The following PACRG variants were observed in gnomAD, a reference collection of about 807,000 sequenced individuals.
PACRG encodes parkin coregulated gene protein.
PACRG carries 29 observed loss-of-function variants against 29.7 expected under a neutral mutation model. That is an observed-to-expected ratio of 0.98 (90% CI 0.73 to 1.33). PACRG has a LOEUF of 1.33. Ranked by LOEUF, PACRG falls within the 40% of genes most tolerant of loss-of-function variation. PACRG has a pLI of 0.00. For missense variants in PACRG, 279 were observed against 316.2 expected (o/e 0.88, Z 0.89); for synonymous variants, 116 against 118.7 (o/e 0.98, Z 0.15).
At chr6:162,927,810 C>CAAAA (rs1304688542) in intron 2 of PACRG, among the ~76,000 whole-genome samples, 1 of 110,428 alleles carries the variant, frequency 9.1e-6, no homozygotes, top group African/African-American at 5.7e-5. Context: ...AAAAGCAAAG[C>CAAAA]AAACAAACAA....
intron 4 of PACRG, among the ~76,000 whole-genome samples, chr6:163,297,251 T>A (rs1562365181): frequency 6.6e-6 from 1 of 152,206 alleles, no homozygotes; most frequent in Non-Finnish European, 1.5e-5. Context: ...CCCTGGTGCT[T>A]ACTGGTGCTT....
At chr6:163,236,899 T>C (rs1782261293) in intron 4 of PACRG, among the ~76,000 whole-genome samples, 1 of 152,142 alleles carries the variant, frequency 6.6e-6, no homozygotes, top group Non-Finnish European at 1.5e-5. Flanking sequence ...TCATCTTACA[T>C]GGCTTGAGCA....
rs1320507812 is a variant in PACRG at position 162,814,287 on chromosome 6, T to A, written c.291+6T>A. On this transcript the variant is annotated splice_donor_region_variant and intron_variant, in intron 2 of 4. Coordinates refer to ENST00000366888, the MANE Select transcript of PACRG (RefSeq NM_001080379.2). ...GAAACAAAATCGCCTGGAAGGTAAG[T>A]CAGGGCACAGCTGTGCCGGCCAGCT... is the stretch of plus-strand genomic sequence containing the variant. 6.2e-7 allele frequency: 1 copy of A among 1,613,558 alleles called. No homozygotes were observed. Among genetic ancestry groups the A allele is most frequent in the Admixed American group, 1.7e-5 (1 of 59,994 alleles).
chr6:163,177,859 G>T (rs1334840249), intron 4 of PACRG, among the ~76,000 whole-genome samples: 1 of 151,550 alleles, frequency 6.6e-6, no homozygotes, highest in African/African-American at 2.4e-5. Context: ...CAGCACACAC[G>T]CTTCCCTCCA....
chr6:163,154,282 G>A (rs1778224625), intron 4 of PACRG, among the ~76,000 whole-genome samples: 1 of 152,232 alleles, frequency 6.6e-6, no homozygotes, highest in African/African-American at 2.4e-5. Flanking sequence ...TGGGCACTGT[G>A]TGATCCTTCA....
chr6:162,937,392 G>A (rs1798308790), intron 2 of PACRG, among the ~76,000 whole-genome samples: 1 of 152,098 alleles, frequency 6.6e-6, no homozygotes, highest in South Asian at 2.1e-4. Context: ...AGAAGGGAGT[G>A]CTAAGAACAA....
intron 4 of PACRG, among the ~76,000 whole-genome samples, chr6:163,148,133 G>A (rs1353569441): frequency 1.3e-5 from 2 of 152,182 alleles, no homozygotes; most frequent in African/African-American, 4.8e-5. Context: ...CTTATAGTGT[G>A]TGTGTTGAGG....
At chr6:163,128,819 A>G (rs989948206) in intron 4 of PACRG, among the ~76,000 whole-genome samples, 1 of 152,176 alleles carries the variant, frequency 6.6e-6, no homozygotes, top group East Asian at 1.9e-4. Context: ...TCAGTAAGCT[A>G]TTTTTGCTCC....
chr6:163,261,957 T>A (rs1384459051), intron 4 of PACRG, among the ~76,000 whole-genome samples: 2 of 152,214 alleles, frequency 1.3e-5, no homozygotes, highest in African/African-American at 2.4e-5. Flanking sequence ...GGGACAACTA[T>A]ATTAATTAAT....
At chr6:162,962,603 G>GGT (rs756619819) in intron 2 of PACRG, among the ~76,000 whole-genome samples, 1 of 152,162 alleles carries the variant, frequency 6.6e-6, no homozygotes, top group Non-Finnish European at 1.5e-5. Context: ...CTTACCACCA[G>GGT]GTGAGGACAC....
intron 2 of PACRG, among the ~76,000 whole-genome samples, chr6:162,912,141 T>A (rs545174052): frequency 1.3e-5 from 2 of 152,220 alleles, no homozygotes; most frequent in Non-Finnish European, 2.9e-5. Context: ...CAATCCAAGT[T>A]GTTAGAAGTA....
At chr6:162,977,332 C>G (rs1393826343) in intron 2 of PACRG, among the ~76,000 whole-genome samples, 1 of 151,596 alleles carries the variant, frequency 6.6e-6, no homozygotes, top group African/African-American at 2.4e-5. Flanking sequence ...AGTCCTTCTT[C>G]TGAACTAAAA....
chr6:163,124,302 A>G (rs1236779747), intron 4 of PACRG, among the ~76,000 whole-genome samples: 1 of 152,082 alleles, frequency 6.6e-6, no homozygotes. Flanking sequence ...TGGGGGAAAA[A>G]GGGGATTTGA....
chr6:162,770,732 C>G (rs1679308087), intron 1 of PACRG, among the ~76,000 whole-genome samples: 1 of 152,012 alleles, frequency 6.6e-6, no homozygotes, highest in South Asian at 2.1e-4. Flanking sequence ...TTTTAATGAG[C>G]TAAATAATAA....
At chr6:162,969,738 A>G (rs1041132427) in intron 2 of PACRG, among the ~76,000 whole-genome samples, 1 of 152,168 alleles carries the variant, frequency 6.6e-6, no homozygotes, top group African/African-American at 2.4e-5. Context: ...CTCAGCTTAA[A>G]TGTCACTATC....
At chr6:163,019,375 C>G (rs1435155098) in intron 2 of PACRG, among the ~76,000 whole-genome samples, 1 of 152,142 alleles carries the variant, frequency 6.6e-6, no homozygotes, top group Admixed American at 6.5e-5. Context: ...TTCTGTCTTT[C>G]CCTCCTTTTA....
intron 4 of PACRG, among the ~76,000 whole-genome samples, chr6:163,091,358 C>T (rs493411): frequency 0.29 from 44,538 of 152,038 alleles, 7,020 homozygotes; most frequent in East Asian, 0.57. Context: ...GGTGTTCATA[C>T]ACTTAACAAA....
intron 2 of PACRG, among the ~76,000 whole-genome samples, chr6:162,831,839 T>G (rs1403679547): frequency 6.6e-5 from 10 of 152,216 alleles, no homozygotes; most frequent in Non-Finnish European, 1.3e-4. Context: ...GACGTAATCT[T>G]GCTCCTTTTT....
intron 2 of PACRG, among the ~76,000 whole-genome samples, chr6:162,869,191 C>T (rs142798517): frequency 6.6e-6 from 1 of 152,200 alleles, no homozygotes; most frequent in Non-Finnish European, 1.5e-5. Context: ...AATGAAGGGG[C>T]TGGGCTAGGG....
Sources: allele counts gnomAD v4.1 joint callset (sites outside exome capture counted in the v4.1 genomes callset), GRCh38; gene constraint gnomAD v4.1.1; transcripts MANE v1.5; gene names NCBI Gene and HGNC (gene_info 2026-07-23, HGNC 2026-07-21).